Variants in ZNF362 observed in about 807,000 individuals in gnomAD.
ZNF362 encodes rotund homolog.
ZNF362 carries 11 observed loss-of-function variants against 42.9 expected under a neutral mutation model. The observed-to-expected ratio is 0.26, with a 90% CI of 0.16 to 0.42. ZNF362 has a LOEUF of 0.42. ZNF362 is among the 20% of genes least tolerant of loss of function. The probability of loss-of-function intolerance (pLI) is 1.00; values close to 1 mark genes in which losing one functional copy is unlikely to be tolerated. For missense variants in ZNF362, 362 were observed against 576.2 expected, an observed-to-expected ratio of 0.63 and a Z score of 3.81; for synonymous variants, 255 against 257.3, an observed-to-expected ratio of 0.99 and a Z score of 0.09.
chr1:33,166,199 GCTCAGGGCTCCCA>G, the ZNF362 span: 2 of 152,352 alleles, frequency 1.3e-5, no homozygotes, highest in Admixed American at 1.3e-4. Flanking sequence ...GGAAAAACAA[GCTCAGGGCTCCCA>G]CTGATCCTAC....
the ZNF362 span, among the ~76,000 whole-genome samples, chr1:33,198,380 T>C: frequency 6.6e-6 from 1 of 151,920 alleles, no homozygotes; most frequent in South Asian, 2.1e-4. Context: ...AAGAGAAAAG[T>C]CAAAGCTGGG....
chr1:33,231,251 C>T, the ZNF362 span, among the ~76,000 whole-genome samples: 5 of 152,312 alleles, frequency 3.3e-5, no homozygotes, highest in East Asian at 3.9e-4. Context: ...GCCTCACACA[C>T]GTATAGTCTA....
chr1:33,209,074 A>C, the ZNF362 span, among the ~76,000 whole-genome samples: 8 of 152,224 alleles, frequency 5.3e-5, no homozygotes, highest in African/African-American at 1.9e-4. Flanking sequence ...AATAGCTCTT[A>C]TTATTTTGAG....
At chr1:33,191,238 T>C in the ZNF362 span, among the ~76,000 whole-genome samples, 5 of 152,224 alleles carry the variant, frequency 3.3e-5, no homozygotes, top group Non-Finnish European at 7.3e-5. Flanking sequence ...AAATTAGTGG[T>C]GTAGTTTCTA....
intron 6 of ZNF362, among the ~76,000 whole-genome samples, chr1:33,282,472 G>T (rs1646002718): frequency 6.6e-6 from 1 of 152,160 alleles, no homozygotes; most frequent in Admixed American, 6.6e-5. Context: ...TGCCTTCGTG[G>T]GGCATACAGT....
the ZNF362 span, among the ~76,000 whole-genome samples, chr1:33,179,848 A>T: frequency 6.6e-6 from 1 of 152,246 alleles, no homozygotes; most frequent in African/African-American, 2.4e-5. Context: ...AGTAAAATAG[A>T]TTTATTTGCA....
At chr1:33,154,889 C>T in the ZNF362 span, among the ~76,000 whole-genome samples, 1 of 151,670 alleles carries the variant, frequency 6.6e-6, no homozygotes, top group Non-Finnish European at 1.5e-5. Flanking sequence ...GTCAGGAGAT[C>T]GAGACCATCC....
intron 7 of ZNF362, 65 bp from the exon 8 acceptor site, chr1:33,295,082 G>A (rs1328049534): frequency 5.1e-6 from 8 of 1,569,732 alleles, no homozygotes; most frequent in African/African-American, 1.4e-5. Context: ...CCACAAGGAA[G>A]CGTAGGAAGG....
the ZNF362 span, among the ~76,000 whole-genome samples, chr1:33,217,239 A>G: frequency 6.6e-6 from 1 of 152,208 alleles, no homozygotes; most frequent in African/African-American, 2.4e-5. Context: ...TCTGACCTTC[A>G]GATCCACCTT....
the ZNF362 span, among the ~76,000 whole-genome samples, chr1:33,170,505 G>A: frequency 6.6e-6 from 1 of 152,000 alleles, no homozygotes; most frequent in South Asian, 2.1e-4. Context: ...ACACACCCCT[G>A]GCCTCGCTGA....
the ZNF362 span, among the ~76,000 whole-genome samples, chr1:33,221,285 G>A: frequency 6.6e-6 from 1 of 152,186 alleles, no homozygotes; most frequent in Non-Finnish European, 1.5e-5. Flanking sequence ...CCTGACTGTG[G>A]GTGGGGATCC....
At chr1:33,204,178 T>C in the ZNF362 span, among the ~76,000 whole-genome samples, 3 of 152,140 alleles carry the variant, frequency 2.0e-5, no homozygotes, top group Admixed American at 6.5e-5. Context: ...AGTTTCCACA[T>C]TTTTTGGCAT....
chr1:33,204,158 A>G, the ZNF362 span, among the ~76,000 whole-genome samples: 2 of 152,094 alleles, frequency 1.3e-5, no homozygotes, highest in South Asian at 2.1e-4. Context: ...TCTGTATAAT[A>G]TAAGAGTCCA....
chr1:33,237,561 C>T, the ZNF362 span, among the ~76,000 whole-genome samples: 1 of 152,200 alleles, frequency 6.6e-6, no homozygotes, highest in African/African-American at 2.4e-5. Flanking sequence ...CAGTAATAAT[C>T]GTAGCTAACA....
chr1:33,148,946 C>T, the ZNF362 span, among the ~76,000 whole-genome samples: 1 of 152,180 alleles, frequency 6.6e-6, no homozygotes, highest in Non-Finnish European at 1.5e-5. Context: ...TAGCGCCAGT[C>T]CTTTCTCCCA....
the ZNF362 span, among the ~76,000 whole-genome samples, chr1:33,224,730 C>A: frequency 6.6e-6 from 1 of 152,008 alleles, no homozygotes; most frequent in Non-Finnish European, 1.5e-5. Context: ...AGGGCAGATG[C>A]AATATTTGAA....
the ZNF362 span, among the ~76,000 whole-genome samples, chr1:33,189,535 T>C: frequency 6.6e-6 from 1 of 150,474 alleles, no homozygotes; most frequent in Non-Finnish European, 1.5e-5. Context: ...TTATTGTAAC[T>C]CTTGTCAGTT....
At chr1:33,221,878 G>A in the ZNF362 span, among the ~76,000 whole-genome samples, 1 of 152,162 alleles carries the variant, frequency 6.6e-6, no homozygotes, top group Non-Finnish European at 1.5e-5. Flanking sequence ...TAGGCTGTGG[G>A]AAGGCTGCCT....
chr1:33,265,989 C>T (rs1269619259), intron 1 of ZNF362, among the ~76,000 whole-genome samples: 4 of 152,228 alleles, frequency 2.6e-5, no homozygotes, highest in Non-Finnish European at 5.9e-5. Flanking sequence ...CCATACTCTC[C>T]TTTGGCATCT....
Sources: gnomAD v4.1 joint callset for allele counts (sites outside exome capture counted in the v4.1 genomes callset) on GRCh38, gnomAD v4.1.1 for gene constraint, MANE v1.5 for transcripts, NCBI Gene and HGNC (gene_info 2026-07-23, HGNC 2026-07-21) for gene names.